Variants in STON2 observed in about 807,000 individuals in gnomAD.
STON2 encodes the protein stonin 2.
Under a neutral mutation model 65.7 loss-of-function variants are expected in STON2, and 29 were observed. That is an observed-to-expected ratio of 0.44 (90% CI 0.33 to 0.60). The LOEUF is 0.60. Ranked by LOEUF, STON2 falls within the 20% of genes least tolerant of loss-of-function variation. The pLI is 0.03. For synonymous variants in STON2, 404 were observed against 414.2 expected (o/e 0.98, Z 0.30); for missense variants, 1,054 against 1,118.1 (o/e 0.94, Z 0.82).
intron 3 of STON2, 137 bp downstream of exon 3, chr14:81,395,757 G>A (rs1054071945): frequency 9.6e-6 from 8 of 830,590 alleles, no homozygotes; most frequent in South Asian, 5.0e-5. Flanking sequence ...TGAGAACTCC[G>A]TCTGCTCTCC....
rs553556217 is a variant in STON2 at position 81,415,541 on chromosome 14, A to G, written c.-199+11561T>C. ...AAAAATTAGATGGGTGTGGTGGTGC[A>G]CACCTGTAGTCCCAGCTACTCGGGA... On this transcript the variant is annotated intron_variant, in intron 2 of 8. Coordinates refer to the STON2 transcript ENST00000553821. 7.7e-4 allele frequency among the ~76,000 whole-genome samples: 117 copies of G among 151,964 alleles called. 1 individual carries two copies. Among genetic ancestry groups the G allele is most frequent in the African/African-American group, 2.7e-3 (110 of 41,450 alleles).
rs567325541 is a variant in STON2 at position 81,334,975 on chromosome 14, C to A, written c.572-10788G>T. ...AGCTCAGCCTCCCAAGTAGCTGAGG[C>A]TACAGCCACACACCACCACGCCTGG... is the stretch of plus-strand genomic sequence containing the variant. On this transcript the variant is annotated intron_variant, in intron 4 of 7. Transcript: ENST00000614646. Among the ~76,000 whole-genome samples, 3 of 151,888 alleles carry A rather than the reference C, an allele frequency of 2.0e-5. No individual in the cohort carries two copies. In the South Asian group the frequency reaches 6.3e-4, roughly 32 times the overall value.
At chr14:81,366,833 A>AT (rs35131933) in intron 4 of STON2, among the ~76,000 whole-genome samples, 3 of 151,774 alleles carry the variant, frequency 2.0e-5, no homozygotes, top group East Asian at 2.0e-4. Flanking sequence ...TTAAATTAAG[A>AT]TTTTTTTTAT....
At chr14:81,420,539 G>A (rs1301809001) in intron 2 of STON2, among the ~76,000 whole-genome samples, 1 of 152,156 alleles carries the variant, frequency 6.6e-6, no homozygotes, top group Non-Finnish European at 1.5e-5. Context: ...AGAGAGACAG[G>A]CAAATAAATA....
intron 4 of STON2, among the ~76,000 whole-genome samples, chr14:81,330,148 C>T (rs748415613): frequency 1.3e-5 from 2 of 152,254 alleles, no homozygotes; most frequent in East Asian, 1.9e-4. Context: ...CTCCTTAGCA[C>T]TCCCCTGGTT....
At chr14:81,422,436 G>A (rs1050098280) in intron 2 of STON2, among the ~76,000 whole-genome samples, 4 of 152,120 alleles carry the variant, frequency 2.6e-5, no homozygotes, top group Admixed American at 6.6e-5. Flanking sequence ...GCAGAACTAT[G>A]AGCCAAATAA....
chr14:81,340,768 T>C (rs985794996), intron 4 of STON2, among the ~76,000 whole-genome samples: 1 of 152,072 alleles, frequency 6.6e-6, no homozygotes, highest in Non-Finnish European at 1.5e-5. Flanking sequence ...GAAAATGAAC[T>C]AGGCTGAGTC....
intron 4 of STON2, among the ~76,000 whole-genome samples, chr14:81,357,590 C>G (rs8007219): frequency 0.29 from 44,318 of 151,672 alleles, 6,806 homozygotes; most frequent in East Asian, 0.4. Flanking sequence ...GCTATAAAGA[C>G]ACATGCACAC....
chr14:81,265,271 C>G lies in STON2; in HGVS notation c.*3143G>C. 1.0e-6 allele frequency: 1 copy of G among 983,878 alleles called. No individual in the cohort carries two copies. The highest frequency in any genetic ancestry group is 4.7e-5 in the South Asian group (1 of 21,246). The allele number at this position is 983,878 out of a possible 1,614,324, so 60.9% of individuals were successfully genotyped here. On this transcript the variant is annotated 3_prime_UTR_variant, in exon 8 of 8. Transcript: ENST00000614646. Reference sequence around the variant, plus strand: ...AATATATAGTATTATTATCCCCAAACCCCTAAATGCTACCCATAATCAGTT... The same window carrying G: ...AATATATAGTATTATTATCCCCAAAGCCCTAAATGCTACCCATAATCAGTT...
intron 2 of STON2, among the ~76,000 whole-genome samples, chr14:81,397,199 T>C (rs528231913): frequency 6.6e-6 from 1 of 152,298 alleles, no homozygotes; most frequent in African/African-American, 2.4e-5. Context: ...ATAATTAATA[T>C]AAAATCTTTT....
At chr14:81,389,718 C>T (rs1204076337) in intron 3 of STON2, among the ~76,000 whole-genome samples, 1 of 152,190 alleles carries the variant, frequency 6.6e-6, no homozygotes, top group Non-Finnish European at 1.5e-5. Context: ...CTGGATAAAA[C>T]TGAGTAAGAG....
At chr14:81,347,630 A>AC (rs1321755241) in intron 4 of STON2, among the ~76,000 whole-genome samples, 4 of 149,878 alleles carry the variant, frequency 2.7e-5, no homozygotes, top group Non-Finnish European at 5.9e-5. Flanking sequence ...AAAAAAAAAA[A>AC]AAAAAAACCC....
intron 3 of STON2, among the ~76,000 whole-genome samples, chr14:81,381,041 T>C (rs1262879638): frequency 6.6e-6 from 1 of 152,160 alleles, no homozygotes; most frequent in Admixed American, 6.5e-5. Context: ...AATCATACTA[T>C]TTAGAATGAA....
Position 81,266,088 on chromosome 14 carries a change from A to G in STON2, c.*2326T>C. 1 of 985,334 alleles carries G rather than the reference A, an allele frequency of 1.0e-6. No homozygotes were observed. Among genetic ancestry groups the G allele is most frequent in the Non-Finnish European group, 1.2e-6 (1 of 829,802 alleles). 61.0% of individuals were successfully genotyped at this position (985,334 alleles called of 1,614,324 possible). ...GAGCATGAAAAACCACTTATGAAGA[A>G]AAAGACAAATGAAGTTAGAGAGTCT... On this transcript the variant is annotated 3_prime_UTR_variant, in exon 8 of 8. Coordinates refer to ENST00000614646, the MANE Select transcript of STON2 (RefSeq NM_001394390.1).
chr14:81,347,271 G>A (rs1897844893), intron 4 of STON2, among the ~76,000 whole-genome samples: 1 of 151,864 alleles, frequency 6.6e-6, no homozygotes, highest in Non-Finnish European at 1.5e-5. Context: ...AAATAAAAAG[G>A]ATCATCAGAG....
At chr14:81,318,813 C>T (rs2140235832) in intron 5 of STON2, among the ~76,000 whole-genome samples, 1 of 152,262 alleles carries the variant, frequency 6.6e-6, no homozygotes, top group East Asian at 1.9e-4. Context: ...TGCACTCCAG[C>T]CTGGATGACA....
rs1894209577 is a variant in STON2, at chr14:81,262,954, A to G, written c.*5460T>C. 3 of 985,416 alleles carry G rather than the reference A, an allele frequency of 3.0e-6. No individual in the cohort carries two copies. Among genetic ancestry groups the G allele is most frequent in the Non-Finnish European group, 3.6e-6 (3 of 829,902 alleles). The allele number at this position is 985,416 out of a possible 1,614,324, so 61.0% of individuals were successfully genotyped here. A position where few individuals can be genotyped will look rare whatever the true frequency, so the allele number is the denominator to read the frequency against. ...ACAAGATAAGAAATGGTTTGTGGGG[A>G]ATTAGCACTTAGACCTTGGTAATGT... On this transcript the variant is annotated 3_prime_UTR_variant, in exon 8 of 8. Transcript: ENST00000614646.
At chr14:81,431,812 G>T (rs1902238322) in intron 1 of STON2, among the ~76,000 whole-genome samples, 1 of 151,972 alleles carries the variant, frequency 6.6e-6, no homozygotes, top group African/African-American at 2.4e-5. Flanking sequence ...GGGCGTGGTG[G>T]TGGGTACCTG....
chr14:81,265,417 G>T lies in STON2; in HGVS notation c.*2997C>A. ...CGCCTGTAATCCCAGAGCTTTGGGAGACTGAGGCAGGCTTATCACCTGAGG... is the reference window on the plus strand; with the variant it reads ...CGCCTGTAATCCCAGAGCTTTGGGATACTGAGGCAGGCTTATCACCTGAGG... On this transcript the variant is annotated 3_prime_UTR_variant, in exon 8 of 8. Transcript: ENST00000614646. The T allele has an allele frequency of 1.1e-6, 1 of 881,382 alleles. No individual in the cohort carries two copies. The highest frequency in any genetic ancestry group is 1.4e-6 in the Non-Finnish European group (1 of 735,512). The allele number at this position is 881,382 out of a possible 1,614,324, so 54.6% of individuals were successfully genotyped here. A position where few individuals can be genotyped will look rare whatever the true frequency, so the allele number is the denominator to read the frequency against.
Sources: gnomAD v4.1 joint callset for allele counts (sites outside exome capture counted in the v4.1 genomes callset) on GRCh38, gnomAD v4.1.1 for gene constraint, MANE v1.5 for transcripts, NCBI Gene and HGNC (gene_info 2026-07-23, HGNC 2026-07-21) for gene names.